The following DMAC2L variants were observed in gnomAD, a reference collection of about 807,000 sequenced individuals.
DMAC2L encodes the protein distal membrane arm assembly component 2 like, also known as ATP synthase subunit s, mitochondrial.
A neutral mutation model predicts 22.5 loss-of-function variants in DMAC2L; 21 were observed. The ratio of observed to expected loss-of-function variants is 0.93; its 90% CI spans 0.66 to 1.34. The LOEUF (loss-of-function observed/expected upper bound fraction) is 1.34, where lower values mean the gene tolerates loss of function less well. Among genes scored for constraint, DMAC2L ranks in the 40% most tolerant of loss-of-function variants. The probability of loss-of-function intolerance (pLI) is 0.00; values close to 1 mark genes in which losing one functional copy is unlikely to be tolerated. For missense variants in DMAC2L, 239 were observed against 246.5 expected, an observed-to-expected ratio of 0.97 and a Z score of 0.20; for synonymous variants, 86 against 89.5, an observed-to-expected ratio of 0.96 and a Z score of 0.22.
chr14:50,319,916 G>A (rs2032124014), intron 2 of DMAC2L, among the ~76,000 whole-genome samples: 1 of 152,094 alleles, frequency 6.6e-6, no homozygotes, highest in Admixed American at 6.6e-5. Context: ...TGAGTCATAT[G>A]GAACTAACTA....
At chr14:50,319,181 A>T in intron 2 of DMAC2L, 1 of 1,535,392 alleles carries the variant, frequency 6.5e-7, no homozygotes, top group South Asian at 1.2e-5. Flanking sequence ...GAGTTATTCA[A>T]GGTGGGCACA....
rs533095655 is a variant in DMAC2L at position 50,326,001 on chromosome 14, G to A, written c.*278G>A. 3.3e-4 allele frequency: 302 copies of A among 919,088 alleles called. No individual in the cohort carries two copies. Among genetic ancestry groups the A allele is most frequent in the Non-Finnish European group, 3.7e-4 (277 of 750,666 alleles). The allele number at this position is 919,088 out of a possible 1,614,324, so 56.9% of individuals were successfully genotyped here. A position where few individuals can be genotyped will look rare whatever the true frequency, so the allele number is the denominator to read the frequency against. On this transcript the variant is annotated 3_prime_UTR_variant, in exon 6 of 6. Transcript: ENST00000557421. ...TCCTAGCACTTTGGGAGGCCAAAGC[G>A]GGCAGATCACCTGAGGTCAGGAGTT...
chr14:50,324,026 T>C lies in DMAC2L; in HGVS notation c.398T>C (p.Leu133Pro), dbSNP rs375038097. The change falls in exon 5 of 6, where the codon CTT (leucine) becomes CCT (proline). Residue 133 changes from leucine (L) to proline (P), a missense_variant. Transcript: ENST00000557421. ...EDDCLLRLSQ[L>P]ENLQKTILEM... is the part of the protein sequence containing the mutation. Reference sequence around the variant, plus strand: ...GACTGTTTGCTGAGACTTAGTCAACTTGAAAATTTACAAAAAACCATATTG... The same window carrying C: ...GACTGTTTGCTGAGACTTAGTCAACCTGAAAATTTACAAAAAACCATATTG... The C allele has an allele frequency of 1.2e-5, 19 of 1,613,976 alleles. No individual in the cohort carries two copies. In the Middle Eastern group the frequency reaches 6.6e-4, roughly 56 times the overall value.
chr14:50,323,761 A>G (rs2032489536), intron 4 of DMAC2L, among the ~76,000 whole-genome samples, 184 bp from the exon 5 acceptor site: 1 of 152,184 alleles, frequency 6.6e-6, no homozygotes, highest in Non-Finnish European at 1.5e-5. Flanking sequence ...CCATCAGCAC[A>G]AGCTCTATAG....
chr14:50,322,396 C>T (rs2032353158), intron 3 of DMAC2L, 115 bp from the exon 4 acceptor site: 2 of 1,140,114 alleles, frequency 1.8e-6, no homozygotes, highest in Non-Finnish European at 2.4e-6. Context: ...TTATCTTCCT[C>T]GTCAGTCACT....
At chr14:50,321,983 G>A (rs1234099829) in intron 3 of DMAC2L, among the ~76,000 whole-genome samples, 1 of 152,010 alleles carries the variant, frequency 6.6e-6, no homozygotes, top group Non-Finnish European at 1.5e-5. Context: ...TTAGTGGGTG[G>A]CACACTTAGA....
chr14:50,319,324 C>G, intron 2 of DMAC2L: 1 of 1,536,090 alleles, frequency 6.5e-7, no homozygotes. Flanking sequence ...GTCTTCAGTT[C>G]ACATCTCTCA....
intron 2 of DMAC2L, among the ~76,000 whole-genome samples, chr14:50,315,488 C>T (rs1273572838): frequency 6.6e-6 from 1 of 150,572 alleles, no homozygotes; most frequent in African/African-American, 2.4e-5. Flanking sequence ...ATGGTGAAAC[C>T]CCATCTCTAC....
chr14:50,315,662 C>CAAA (rs142527130), intron 2 of DMAC2L, among the ~76,000 whole-genome samples: 29 of 81,552 alleles, frequency 3.6e-4, no homozygotes, highest in African/African-American at 1.3e-3. Flanking sequence ...TTCTGTTTCA[C>CAAA]AAAAAAAAAA....
chr14:50,312,782 C>A (rs540408505), intron 1 of DMAC2L: 1 of 527,400 alleles, frequency 1.9e-6, no homozygotes, highest in Non-Finnish European at 3.4e-6. Context: ...CCCTAATCCT[C>A]GCTCCTCACG....
At chr14:50,312,817 T>G in intron 1 of DMAC2L, 1 of 584,732 alleles carries the variant, frequency 1.7e-6, no homozygotes, top group South Asian at 2.1e-5. Flanking sequence ...CAGCGAAGAC[T>G]GACAGCCCGC....
chr14:50,313,934 T>C lies in DMAC2L; in HGVS notation c.-41-657T>C, dbSNP rs570854008. Among the ~76,000 whole-genome samples the C allele has an allele frequency of 4.6e-5, 7 of 152,362 alleles. No homozygotes were observed. The South Asian group carries it at 1.0e-3, about 23-fold the overall frequency. On this transcript the variant is annotated intron_variant, in intron 1 of 5. Transcript: ENST00000557421. ...ATTCTCTGTTTCTAAAATTTTGTTA[T>C]ATCAAGAATGTTACATAAATGTAAT...
intron 2 of DMAC2L, among the ~76,000 whole-genome samples, chr14:50,318,206 T>G (rs1201197557): frequency 6.6e-6 from 1 of 152,144 alleles, no homozygotes; most frequent in Non-Finnish European, 1.5e-5. Flanking sequence ...AACTTCCCAC[T>G]AGAGGTCTCC....
intron 2 of DMAC2L, among the ~76,000 whole-genome samples, chr14:50,321,036 G>A (rs934893947): frequency 5.6e-4 from 85 of 152,268 alleles, no homozygotes; most frequent in African/African-American, 2.0e-3. Flanking sequence ...GTCATAGGTA[G>A]ATCTATTTTC....
intron 2 of DMAC2L, among the ~76,000 whole-genome samples, chr14:50,314,915 T>A (rs2031631947): frequency 6.6e-6 from 1 of 152,146 alleles, no homozygotes; most frequent in Non-Finnish European, 1.5e-5. Flanking sequence ...GTGCTGGGAT[T>A]ACAGGTGTGA....
Position 50,322,564 on chromosome 14 carries a change from G to C in DMAC2L, c.161G>C (p.Trp54Ser), listed in dbSNP as rs763374837. 6.2e-7 allele frequency: 1 copy of C among 1,613,850 alleles called. No individual in the cohort carries two copies. The highest frequency in any genetic ancestry group is 2.2e-5 in the East Asian group (1 of 44,890). The change falls in exon 4 of 6, where the codon TGG becomes TCG. Residue 54 changes from tryptophan to serine, a missense_variant. Trp to Ser is a radical substitution (Grantham distance 177). Coordinates refer to ENST00000557421, the MANE Select transcript of DMAC2L (RefSeq NM_001382507.1). Reference protein sequence around the residue: ...DVGPDRAASEWLLRCGAMVRY... With the variant: ...DVGPDRAASESLLRCGAMVRY... ...GGCCCTGACAGGGCGGCATCCGAGT[G>C]GTTGCTGCGCTGTGGGGCCATGGTG...
chr14:50,322,913 C>T (rs1198014763), intron 4 of DMAC2L, 194 bp downstream of exon 4: 1 of 1,440,312 alleles, frequency 6.9e-7, no homozygotes, highest in Non-Finnish European at 9.1e-7. Context: ...CTCCTTCCTC[C>T]TCTCACTAAG....
chr14:50,326,488 G>C lies in DMAC2L; in HGVS notation c.*765G>C. 2.0e-6 allele frequency: 2 copies of C among 985,422 alleles called. No individual in the cohort carries two copies. Among genetic ancestry groups the C allele is most frequent in the South Asian group, 4.7e-5 (1 of 21,294 alleles). 61.0% of individuals were successfully genotyped at this position (985,422 alleles called of 1,614,324 possible). ...TGGAGTCAATTATGCAAAGTGGTCA[G>C]TGGTTGTTGAAGCATGCATTGCTTC... On this transcript the variant is annotated 3_prime_UTR_variant, in exon 6 of 6. Transcript: ENST00000557421.
rs111717108 is a variant in DMAC2L, at chr14:50,322,670, G to T, written c.267G>T (p.Ala89=). 1 of 1,614,068 alleles carries T rather than the reference G, an allele frequency of 6.2e-7. No individual in the cohort carries two copies. Among genetic ancestry groups the T allele is most frequent in the Middle Eastern group, 1.6e-4 (1 of 6,062 alleles). ...TGPLDKYKIQ[A]IDATDSCIMS... is the part of the protein sequence containing the mutation. ...CTCTGGACAAATACAAGATTCAGGC[G>T]ATCGACGCCACCGACTCTTGTATCA... Residue 89 remains alanine, a synonymous_variant, in exon 4 of 6, where the codon GCG becomes GCT. Coordinates refer to ENST00000557421, the MANE Select transcript of DMAC2L (RefSeq NM_001382507.1).
Sources: allele counts gnomAD v4.1 joint callset (sites outside exome capture counted in the v4.1 genomes callset), GRCh38; gene constraint gnomAD v4.1.1; transcripts MANE v1.5; gene names NCBI Gene and HGNC (gene_info 2026-07-23, HGNC 2026-07-21).